ZDHHC21: variants seen among roughly 807,000 people sequenced by gnomAD.
The protein encoded by ZDHHC21 is palmitoyltransferase ZDHHC21.
In ZDHHC21, 15 loss-of-function variants were observed where a neutral mutation model predicts 34.6. The ratio of observed to expected loss-of-function variants is 0.43; its 90% CI spans 0.29 to 0.67. The LOEUF is 0.67. Ranked by LOEUF, ZDHHC21 falls within the 30% of genes least tolerant of loss-of-function variation. The pLI, the probability that ZDHHC21 is intolerant of heterozygous loss-of-function variation, is 0.14. For missense variants in ZDHHC21, 344 were observed against 327.7 expected, an observed-to-expected ratio of 1.05 and a Z score of -0.38; for synonymous variants, 142 against 101.8, an observed-to-expected ratio of 1.40 and a Z score of -2.38.
rs1824012197 is a variant in ZDHHC21 at position 14,615,537 on chromosome 9, C to T, written c.*3429G>A. Reference sequence around the variant, plus strand: ...AAATATTTGTAATACAACTCTTAAGCAAAATAGTATTTTTATTATAATGAA... The same window carrying T: ...AAATATTTGTAATACAACTCTTAAGTAAAATAGTATTTTTATTATAATGAA... On this transcript the variant is annotated 3_prime_UTR_variant, in exon 10 of 10. Coordinates refer to ENST00000380916, the MANE Select transcript of ZDHHC21 (RefSeq NM_178566.6). 6.6e-6 allele frequency: 1 copy of T among 151,596 alleles called. No individual in the cohort carries two copies. The highest frequency in any genetic ancestry group is 2.4e-5 in the African/African-American group (1 of 41,358). 9.4% of individuals were successfully genotyped at this position (151,596 alleles called of 1,614,324 possible).
chr9:14,644,681 T>C (rs1829981743), intron 7 of ZDHHC21, among the ~76,000 whole-genome samples: 1 of 152,028 alleles, frequency 6.6e-6, no homozygotes. Flanking sequence ...TGATAAAATA[T>C]ACTGACTTAT....
intron 8 of ZDHHC21, among the ~76,000 whole-genome samples, chr9:14,625,489 ATAATC>A (rs1266887109): frequency 1.3e-5 from 2 of 152,042 alleles, no homozygotes; most frequent in Non-Finnish European, 2.9e-5. Context: ...TTCTGACTGT[ATAATC>A]TAAAGAAAAT....
intron 5 of ZDHHC21, among the ~76,000 whole-genome samples, chr9:14,670,995 TA>T (rs1161081028): frequency 6.6e-6 from 1 of 150,940 alleles, no homozygotes; most frequent in African/African-American, 2.4e-5. Flanking sequence ...ACTAGCCAAG[TA>T]ATAATGTTTT....
chr9:14,624,260 G>C (rs933676420), intron 8 of ZDHHC21, among the ~76,000 whole-genome samples: 2 of 152,032 alleles, frequency 1.3e-5, no homozygotes, highest in Non-Finnish European at 2.9e-5. Flanking sequence ...TTTACATAAG[G>C]AACAGGAGCC....
the ZDHHC21 span, chr9:14,589,740 T>C: frequency 5.3e-5 from 8 of 152,236 alleles, no homozygotes; most frequent in Non-Finnish European, 7.3e-5. Flanking sequence ...AACTAGGTTT[T>C]ATTATACTTG....
chr9:14,626,551 A>G (rs1826239717), intron 8 of ZDHHC21, among the ~76,000 whole-genome samples: 1 of 151,980 alleles, frequency 6.6e-6, no homozygotes, highest in Admixed American at 6.6e-5. Flanking sequence ...GAGCAAACAG[A>G]AATTATGCAA....
At chr9:14,648,876 T>A (rs1830722510) in intron 7 of ZDHHC21, among the ~76,000 whole-genome samples, 1 of 152,150 alleles carries the variant, frequency 6.6e-6, no homozygotes, top group South Asian at 2.1e-4. Context: ...GCAATTTTTA[T>A]TTATAAACCA....
intron 3 of ZDHHC21, among the ~76,000 whole-genome samples, chr9:14,674,816 AGTGGTTACCTT>A (rs1248962344): frequency 6.6e-6 from 1 of 151,974 alleles, no homozygotes; most frequent in East Asian, 1.9e-4. Context: ...AAGTCAAAAC[AGTGGTTACCTT>A]GTGGTTGCAG....
intron 7 of ZDHHC21, among the ~76,000 whole-genome samples, chr9:14,640,649 A>C (rs1829222354): frequency 6.6e-6 from 1 of 152,170 alleles, no homozygotes. Context: ...CCATGGCCTC[A>C]AGAAGTACAG....
chr9:14,656,755 T>A (rs1380867521), intron 7 of ZDHHC21, among the ~76,000 whole-genome samples: 1 of 151,976 alleles, frequency 6.6e-6, no homozygotes, highest in Non-Finnish European at 1.5e-5. Flanking sequence ...ACAACCAACA[T>A]AATGATTTGA....
chr9:14,610,940 G>C (rs191233571), downstream of ZDHHC21: 1 of 151,882 alleles, frequency 6.6e-6, no homozygotes, highest in Admixed American at 6.6e-5. Context: ...AATATCCTAA[G>C]GCTAGTAATC....
intron 2 of ZDHHC21, among the ~76,000 whole-genome samples, chr9:14,681,970 C>A (rs186714824): frequency 6.6e-6 from 1 of 152,154 alleles, no homozygotes; most frequent in African/African-American, 2.4e-5. Flanking sequence ...AAATAAAATC[C>A]TTTACAGACA....
intron 6 of ZDHHC21, 61 bp from the exon 7 acceptor site, chr9:14,658,948 C>T (rs1345864881): frequency 1.3e-6 from 2 of 1,513,342 alleles, no homozygotes; most frequent in Non-Finnish European, 1.8e-6. Flanking sequence ...ACCTCAGGAT[C>T]AATAAGACTA....
At chr9:14,664,199 AGC>A (rs201808946) in intron 5 of ZDHHC21, among the ~76,000 whole-genome samples, 24,989 of 151,946 alleles carry the variant, frequency 0.16, 2,137 homozygotes, top group South Asian at 0.34. Context: ...TCACTCGGGA[AGC>A]GCAAGGGGTC....
intron 3 of ZDHHC21, chr9:14,677,562 G>A (rs1171674662): frequency 6.6e-5 from 10 of 151,990 alleles, no homozygotes; most frequent in Non-Finnish European, 1.3e-4. Context: ...TCATTAGCTG[G>A]AGATTCTGAC....
At chr9:14,600,791 A>G in the ZDHHC21 span, among the ~76,000 whole-genome samples, 1 of 152,226 alleles carries the variant, frequency 6.6e-6, no homozygotes, top group Non-Finnish European at 1.5e-5. Context: ...TGGTACTGGT[A>G]TGAAAACAGA....
Position 14,693,290 on chromosome 9 carries a change from T to C in ZDHHC21, c.-286A>G, listed in dbSNP as rs2131751361. 4.8e-6 allele frequency: 2 copies of C among 418,476 alleles called. No homozygotes were observed. Among genetic ancestry groups the C allele is most frequent in the Admixed American group, 2.6e-5 (1 of 38,204 alleles). 25.9% of individuals were successfully genotyped at this position (418,476 alleles called of 1,614,324 possible). On this transcript the variant is annotated 5_prime_UTR_variant, in exon 1 of 10. Coordinates refer to ENST00000380916, the MANE Select transcript of ZDHHC21 (RefSeq NM_178566.6). ...CCCGACCGCCAGCAGCTCTTTCCCCTCCTCCTGCCGCGCCACCTCCGCCTC... is the reference window on the plus strand; with the variant it reads ...CCCGACCGCCAGCAGCTCTTTCCCCCCCTCCTGCCGCGCCACCTCCGCCTC...
chr9:14,622,425 C>A lies in ZDHHC21; in HGVS notation c.622-2743G>T, dbSNP rs528482945. On this transcript the variant is annotated intron_variant, in intron 8 of 9. Coordinates refer to ENST00000380916, the MANE Select transcript of ZDHHC21 (RefSeq NM_178566.6). ...CCTGGAATGGGGGGGCGGGGAAGTT[C>A]CTAAGAGAAAAGGAGAAAGAGATAT... 58 of 603,024 alleles carry A rather than the reference C, an allele frequency of 9.6e-5. No individual in the cohort carries two copies. In the African/African-American group the frequency reaches 1.2e-3, roughly 12 times the overall value. 37.4% of individuals were successfully genotyped at this position (603,024 alleles called of 1,614,324 possible).
At chr9:14,604,749 T>C in the ZDHHC21 span, among the ~76,000 whole-genome samples, 3 of 152,214 alleles carry the variant, frequency 2.0e-5, no homozygotes, top group Non-Finnish European at 4.4e-5. Context: ...TTTTTAAATA[T>C]ACAGTACGGT....
Sources: gnomAD v4.1 joint callset for allele counts (sites outside exome capture counted in the v4.1 genomes callset) on GRCh38, gnomAD v4.1.1 for gene constraint, MANE v1.5 for transcripts, NCBI Gene and HGNC (gene_info 2026-07-23, HGNC 2026-07-21) for gene names.